The following EXD1 variants were observed in gnomAD, a reference collection of about 807,000 sequenced individuals.
EXD1 encodes the protein piRNA biogenesis protein EXD1.
In EXD1, 63 loss-of-function variants were observed where a neutral mutation model predicts 49.1. That is an observed-to-expected ratio of 1.28 (90% CI 1.05 to 1.58). EXD1 has a LOEUF of 1.58. Ranked by LOEUF, EXD1 falls within the 40% of genes most tolerant of loss-of-function variation. EXD1 has a pLI of 0.00. For synonymous variants in EXD1, 234 were observed against 239.2 expected (o/e 0.98, Z 0.20); for missense variants, 748 against 666.0 (o/e 1.12, Z -1.36).
intron 7 of EXD1, among the ~76,000 whole-genome samples, chr15:41,207,134 G>A (rs1191801072): frequency 2.0e-5 from 3 of 151,200 alleles, no homozygotes; most frequent in Admixed American, 1.3e-4. Flanking sequence ...CCAGCTACTC[G>A]GGAGGCTGAG....
In EXD1 at chr15:41,203,023, AC is replaced by A. The variant is rs2046757979; in HGVS notation, c.534+6477del. ...AGTTTGGAAAATAATTATCTGCTGTACTATAAACTATGGTGAAGATACCTGA... is the reference window on the plus strand; with the variant it reads ...AGTTTGGAAAATAATTATCTGCTGTATATAAACTATGGTGAAGATACCTGA... On this transcript the variant is annotated intron_variant, in intron 7 of 11. Transcript: ENST00000458580. Among the ~76,000 whole-genome samples the A allele has an allele frequency of 2.6e-5, 4 of 152,224 alleles. No individual in the cohort carries two copies. The South Asian group carries it at 8.3e-4, about 32-fold the overall frequency.
chr15:41,205,409 C>A (rs2046805815), intron 7 of EXD1, among the ~76,000 whole-genome samples: 1 of 149,684 alleles, frequency 6.7e-6, no homozygotes, highest in Admixed American at 6.6e-5. Flanking sequence ...TTGGCCCTAG[C>A]CCACTAAATT....
At chr15:41,226,908 A>G (rs2047171920) in intron 1 of EXD1, among the ~76,000 whole-genome samples, 1 of 152,214 alleles carries the variant, frequency 6.6e-6, no homozygotes, top group Non-Finnish European at 1.5e-5. Context: ...GAAGCAGAAC[A>G]TTTAGAGGCT....
At chr15:41,218,855 T>A (rs770760497) in intron 3 of EXD1, among the ~76,000 whole-genome samples, 52 of 152,182 alleles carry the variant, frequency 3.4e-4, no homozygotes, top group Non-Finnish European at 6.3e-4. Context: ...GGATTGGCAG[T>A]CATTAATTTG....
rs534479269 is a variant in EXD1 at position 41,215,278 on chromosome 15, TTGTCTTGA to T, written c.447+489_447+496del. Among the ~76,000 whole-genome samples, 361 of 152,316 alleles carry T rather than the reference TTGTCTTGA, an allele frequency of 2.4e-3. 2 individuals are homozygous for T. The highest frequency in any genetic ancestry group is 3.1e-3 in the Non-Finnish European group (209 of 68,032). ...TATAAGCTCCTTGAGGGCGGGAACT[TTGTCTTGA>T]TTATGGTTTTACCCAAGAGCTCAGA... On this transcript the variant is annotated intron_variant, in intron 6 of 11. Coordinates refer to ENST00000458580, the MANE Select transcript of EXD1 (RefSeq NM_001286441.2).
In EXD1 at chr15:41,226,596, G is replaced by A. The variant is rs775328442; in HGVS notation, c.-21C>T. 2.6e-5 allele frequency: 39 copies of A among 1,527,498 alleles called. No individual in the cohort carries two copies. Among genetic ancestry groups the A allele is most frequent in the Admixed American group, 8.1e-5 (4 of 49,632 alleles). 94.6% of individuals were successfully genotyped at this position (1,527,498 alleles called of 1,614,324 possible). Reference sequence around the variant, plus strand: ...TCCATGCTAATTGATTCCAAAAGCCGTCTTCAAATAATCTTCTTTAAGCAT... The same window carrying A: ...TCCATGCTAATTGATTCCAAAAGCCATCTTCAAATAATCTTCTTTAAGCAT... On this transcript the variant is annotated 5_prime_UTR_variant, in exon 2 of 12. It adds an upstream start codon to the 5' untranslated region. Transcript: ENST00000458580.
In EXD1 at chr15:41,189,945, C is replaced by T. The variant is rs1280995766; in HGVS notation, c.1048G>A (p.Gly350Ser). 3 of 1,613,892 alleles carry T rather than the reference C, an allele frequency of 1.9e-6. No individual in the cohort carries two copies. Among genetic ancestry groups the T allele is most frequent in the South Asian group, 2.2e-5 (2 of 91,074 alleles). Reference sequence around the variant, plus strand: ...CAGAGAGCTGCACCTACCTCAGTGCCTCCAAGCCGGTCTGCAGACCCTTCG... The same window carrying T: ...CAGAGAGCTGCACCTACCTCAGTGCTTCCAAGCCGGTCTGCAGACCCTTCG... ...YREGSADRLG[G>S]TEPTCMELPE... Residue 350 changes from glycine (G) to serine (S), a missense_variant, in exon 11 of 12, where the codon GGC becomes AGC. Gly to Ser is a moderately conservative substitution (Grantham distance 56, BLOSUM62 0). Transcript: ENST00000458580.
chr15:41,186,490 T>G (rs138482867), intron 11 of EXD1, among the ~76,000 whole-genome samples: 2 of 71,544 alleles, frequency 2.8e-5, no homozygotes, highest in African/African-American at 3.9e-5. Flanking sequence ...AAAAAAAAAA[T>G]CAGAAAAAAA....
intron 11 of EXD1, among the ~76,000 whole-genome samples, chr15:41,188,953 C>T (rs2046459956): frequency 6.6e-6 from 1 of 151,440 alleles, no homozygotes; most frequent in South Asian, 2.1e-4. Flanking sequence ...CAGGCATGTG[C>T]CACCACGCCT....
chr15:41,217,686 C>G, intron 3 of EXD1, among the ~76,000 whole-genome samples: 1 of 152,080 alleles, frequency 6.6e-6, no homozygotes, highest in East Asian at 1.9e-4. Context: ...CAGGCATGCG[C>G]CACCACACAC....
chr15:41,220,347 T>C (rs1259887878), intron 2 of EXD1, among the ~76,000 whole-genome samples: 2 of 151,988 alleles, frequency 1.3e-5, no homozygotes, highest in East Asian at 1.9e-4. Context: ...CTCGGCTCAC[T>C]GCAACTTCCG....
At chr15:41,207,072 CT>C (rs1214034122) in intron 7 of EXD1, among the ~76,000 whole-genome samples, 1 of 147,600 alleles carries the variant, frequency 6.8e-6, no homozygotes, top group African/African-American at 2.5e-5. Context: ...GAAACCCCGT[CT>C]CTACTAAAAA....
At chr15:41,228,619 A>T (rs1014029818) in intron 1 of EXD1, among the ~76,000 whole-genome samples, 2 of 152,178 alleles carry the variant, frequency 1.3e-5, no homozygotes, top group Non-Finnish European at 1.5e-5. Context: ...CTTTAAGTTA[A>T]TCCAACAGGC....
chr15:41,197,925 G>A (rs975663557), intron 7 of EXD1, among the ~76,000 whole-genome samples: 16 of 152,144 alleles, frequency 1.1e-4, no homozygotes, highest in Non-Finnish European at 2.1e-4. Context: ...TTGGGGGGCC[G>A]AGGCAGGAGA....
At chr15:41,199,723 T>TATATATC (rs1555414681) in intron 7 of EXD1, among the ~76,000 whole-genome samples, 14 of 36,304 alleles carry the variant, frequency 3.9e-4, no homozygotes, top group African/African-American at 6.6e-4. Context: ...TATGATATAT[T>TATATATC]ATATATGATA....
intron 7 of EXD1, among the ~76,000 whole-genome samples, chr15:41,199,929 A>G (rs1015464704): frequency 2.0e-5 from 3 of 148,692 alleles, no homozygotes; most frequent in African/African-American, 7.4e-5. Context: ...TTTGAGACAG[A>G]GTCTGGCTCT....
At chr15:41,199,747 T>TGAGA (rs558589077) in intron 7 of EXD1, among the ~76,000 whole-genome samples, 15 of 99,760 alleles carry the variant, frequency 1.5e-4, no homozygotes, top group Admixed American at 3.8e-4. Context: ...ATGTCATATA[T>TGAGA]TATATATGAT....
Position 41,230,701 on chromosome 15 carries a change from G to A in EXD1, c.-276C>T. ...GAAAACCTGGAGAAAGGTCCGCGAC[G>A]CCGGGGACACACGCCGCAGAGGCGA... On this transcript the variant is annotated 5_prime_UTR_variant, in exon 1 of 12. Transcript: ENST00000458580. The A allele has an allele frequency of 2.7e-6, 2 of 746,460 alleles. No individual in the cohort carries two copies. The highest frequency in any genetic ancestry group is 2.1e-6 in the Non-Finnish European group (1 of 470,820). The allele number at this position is 746,460 out of a possible 1,614,324, so 46.2% of individuals were successfully genotyped here. A position where few individuals can be genotyped will look rare whatever the true frequency, so the allele number is the denominator to read the frequency against.
intron 7 of EXD1, among the ~76,000 whole-genome samples, chr15:41,202,257 C>T (rs2046744009): frequency 6.6e-6 from 1 of 151,986 alleles, no homozygotes. Context: ...TCACTGCAGC[C>T]TCTGCCTCCC....
Sources: allele counts gnomAD v4.1 joint callset (sites outside exome capture counted in the v4.1 genomes callset), GRCh38; gene constraint gnomAD v4.1.1; transcripts MANE v1.5; gene names NCBI Gene and HGNC (gene_info 2026-07-23, HGNC 2026-07-21).